Variants in IFT80 observed in about 807,000 individuals in gnomAD.
IFT80 encodes intraflagellar transport 80.
In IFT80, 79 loss-of-function variants were observed where a neutral mutation model predicts 107.9. That is an observed-to-expected ratio of 0.73 (90% CI 0.61 to 0.88). The LOEUF (loss-of-function observed/expected upper bound fraction) is 0.88, where lower values mean the gene tolerates loss of function less well. IFT80 is among the 40% of genes least tolerant of loss of function. The probability of loss-of-function intolerance (pLI) is 0.00; values close to 1 mark genes in which losing one functional copy is unlikely to be tolerated. For synonymous variants in IFT80, 299 were observed against 300.9 expected, an observed-to-expected ratio of 0.99 and a Z score of 0.07; for missense variants, 797 against 914.2, an observed-to-expected ratio of 0.87 and a Z score of 1.65.
At position 160,268,493 on chromosome 3, in the gene IFT80, C is replaced by T. The variant is rs1312672286; in HGVS notation, c.2143G>A (p.Val715Ile). 2 of 1,613,050 alleles carry T rather than the reference C, an allele frequency of 1.2e-6. No individual in the cohort carries two copies. Among genetic ancestry groups the T allele is most frequent in the Non-Finnish European group, 1.7e-6 (2 of 1,179,272 alleles). ...AVKYKTHVDT[V>I]LAYRQKFLET... ...AAAAACTTTTGACGGTAAGCAAGAA[C>T]TGTATCAACATGTGTTTTGTATTTT... Residue 715 changes from valine (V) to isoleucine (I), a missense_variant, in exon 19 of 20, where the codon GTT (valine) becomes ATT (isoleucine). Coordinates refer to ENST00000326448, the MANE Select transcript of IFT80 (RefSeq NM_020800.3).
chr3:160,272,983 T>G (rs140412461), intron 18 of IFT80, among the ~76,000 whole-genome samples: 3 of 152,314 alleles, frequency 2.0e-5, no homozygotes, highest in Non-Finnish European at 4.4e-5. Context: ...CGTCATTTTA[T>G]ACGAAGAACT....
chr3:160,324,095 T>C (rs1264753527), intron 8 of IFT80, among the ~76,000 whole-genome samples: 1 of 152,164 alleles, frequency 6.6e-6, no homozygotes, highest in Non-Finnish European at 1.5e-5. Context: ...GTTGAATCTC[T>C]GAATAGACCA....
chr3:160,387,451 C>T (rs1161295674), intron 1 of IFT80, among the ~76,000 whole-genome samples: 1 of 152,134 alleles, frequency 6.6e-6, no homozygotes, highest in Non-Finnish European at 1.5e-5. Flanking sequence ...TTGCAGTGAG[C>T]CGAGATCACG....
At chr3:160,273,412 G>T (rs901124130) in intron 18 of IFT80, among the ~76,000 whole-genome samples, 17 of 152,170 alleles carry the variant, frequency 1.1e-4, no homozygotes, top group African/African-American at 4.1e-4. Context: ...AGGGAGATCA[G>T]TGATGACATT....
intron 6 of IFT80, among the ~76,000 whole-genome samples, chr3:160,359,260 G>T (rs1721319909): frequency 6.6e-6 from 1 of 152,156 alleles, no homozygotes; most frequent in Non-Finnish European, 1.5e-5. Flanking sequence ...TGGCCCAGAG[G>T]TTCTACTGAA....
In IFT80 at chr3:160,319,949, A is replaced by T. The variant is rs776074609; in HGVS notation, c.778-10T>A. ...CTAATGCATATGACCACTGGGGGAG[A>T]AAAAACAAGAAAAAGATGGACTTAC... is the stretch of plus-strand genomic sequence containing the variant. On this transcript the variant is annotated splice_polypyrimidine_tract_variant and intron_variant, in intron 8 of 19. Coordinates refer to ENST00000326448, the MANE Select transcript of IFT80 (RefSeq NM_020800.3). 5 of 1,606,282 alleles carry T rather than the reference A, an allele frequency of 3.1e-6. No homozygotes were observed. The South Asian group carries it at 5.5e-5, about 18-fold the overall frequency.
At chr3:160,383,315 A>C (rs761520344) in intron 2 of IFT80, 1 of 260,202 alleles carries the variant, frequency 3.8e-6, no homozygotes, top group Non-Finnish European at 6.0e-6. Flanking sequence ...TATGGTGTGA[A>C]CTCTTGAAAG....
chr3:160,321,775 GA>G lies in IFT80; in HGVS notation c.778-1837del, dbSNP rs548912358. Among the ~76,000 whole-genome samples the G allele has an allele frequency of 1.1e-3, 170 of 151,770 alleles. 1 individual carries two copies. The highest frequency in any genetic ancestry group is 8.2e-3 in the Admixed American group (125 of 15,196). On this transcript the variant is annotated intron_variant, in intron 8 of 19. Coordinates refer to ENST00000326448, the MANE Select transcript of IFT80 (RefSeq NM_020800.3). ...CTGAACTCACAGAAAGAGAAACTGTGAAAAAGGGAGGACTACCAAATTTAAA... is the reference window on the plus strand; with the variant it reads ...CTGAACTCACAGAAAGAGAAACTGTGAAAAGGGAGGACTACCAAATTTAAA...
intron 1 of IFT80, among the ~76,000 whole-genome samples, chr3:160,388,231 T>C (rs182755901): frequency 2.0e-3 from 300 of 151,346 alleles, no homozygotes; most frequent in African/African-American, 5.4e-3. Flanking sequence ...TTTTTTTTTT[T>C]CAGTGGCAAA....
At chr3:160,305,258 A>G (rs540649521) in intron 10 of IFT80, among the ~76,000 whole-genome samples, 5 of 152,354 alleles carry the variant, frequency 3.3e-5, no homozygotes, top group African/African-American at 1.2e-4. Context: ...GGGAAGGGGA[A>G]GGAAGCAGTG....
intron 8 of IFT80, among the ~76,000 whole-genome samples, chr3:160,349,377 A>T (rs1720514349): frequency 6.6e-6 from 1 of 151,978 alleles, no homozygotes; most frequent in Non-Finnish European, 1.5e-5. Flanking sequence ...TGAACCCAGG[A>T]GGCAGAGGTT....
chr3:160,362,364 G>A (rs1721554597), intron 6 of IFT80, among the ~76,000 whole-genome samples: 1 of 152,140 alleles, frequency 6.6e-6, no homozygotes, highest in African/African-American at 2.4e-5. Flanking sequence ...CTCTGAAATT[G>A]AGGCAATAAT....
intron 11 of IFT80, among the ~76,000 whole-genome samples, chr3:160,302,269 CTAAT>C (rs1393722699): frequency 2.6e-5 from 4 of 151,998 alleles, no homozygotes; most frequent in Admixed American, 2.6e-4. Flanking sequence ...AAATTAGTGT[CTAAT>C]TAACACCAAC....
intron 8 of IFT80, among the ~76,000 whole-genome samples, chr3:160,355,220 A>T (rs1477384700): frequency 6.6e-6 from 1 of 152,168 alleles, no homozygotes; most frequent in Non-Finnish European, 1.5e-5. Flanking sequence ...TCAAATATGA[A>T]TTCTTGATAA....
At chr3:160,322,947 G>C (rs899674338) in intron 8 of IFT80, among the ~76,000 whole-genome samples, 2 of 151,796 alleles carry the variant, frequency 1.3e-5, no homozygotes, top group Non-Finnish European at 3.0e-5. Flanking sequence ...CCCTTTGTCA[G>C]ATGAGTAGGT....
intron 8 of IFT80, among the ~76,000 whole-genome samples, chr3:160,324,183 C>T (rs1331910432): frequency 5.3e-5 from 8 of 152,078 alleles, no homozygotes; most frequent in African/African-American, 9.7e-5. Context: ...GATTCACAGC[C>T]GAATTCTACC....
intron 8 of IFT80, among the ~76,000 whole-genome samples, chr3:160,324,033 A>C (rs1718483387): frequency 6.6e-6 from 1 of 152,194 alleles, no homozygotes; most frequent in Non-Finnish European, 1.5e-5. Context: ...ATCTAGAAGA[A>C]ATTGATAAAT....
chr3:160,393,657 T>TA (rs893226407), intron 1 of IFT80, among the ~76,000 whole-genome samples: 4 of 151,918 alleles, frequency 2.6e-5, no homozygotes, highest in Non-Finnish European at 4.4e-5. Flanking sequence ...CTGTACACTT[T>TA]AAAAAAAAGA....
intron 3 of IFT80, 57 bp downstream of exon 3, chr3:160,381,446 A>G: frequency 1.6e-6 from 2 of 1,278,660 alleles, no homozygotes; most frequent in Middle Eastern, 1.9e-4. Flanking sequence ...AGCATAAATC[A>G]TACTATTAAG....
Sources: allele counts gnomAD v4.1 joint callset (sites outside exome capture counted in the v4.1 genomes callset), GRCh38; gene constraint gnomAD v4.1.1; transcripts MANE v1.5; gene names NCBI Gene and HGNC (gene_info 2026-07-23, HGNC 2026-07-21).